NWD2: variants seen among roughly 807,000 people sequenced by gnomAD.
NWD2 encodes the protein NACHT and WD repeat domain containing 2.
Under a neutral mutation model 132.7 loss-of-function variants are expected in NWD2, and 37 were observed. The observed-to-expected ratio is 0.28, with a 90% CI of 0.21 to 0.37. NWD2 has a LOEUF of 0.37. Among genes scored for constraint, NWD2 ranks in the 10% least tolerant of loss-of-function variants. The pLI, the probability that NWD2 is intolerant of heterozygous loss-of-function variation, is 1.00. For synonymous variants in NWD2, 705 were observed against 803.0 expected (o/e 0.88, Z 2.06); for missense variants, 1,592 against 2,122.4 (o/e 0.75, Z 4.91).
chr4:37,394,799 G>GTTTTTTTTTTTTTTTTT lies in NWD2; in HGVS notation c.358-35760_358-35744dup, dbSNP rs1175840735. On this transcript the variant is annotated intron_variant, in intron 3 of 6. Coordinates refer to ENST00000309447, the MANE Select transcript of NWD2 (RefSeq NM_001144990.2). ...TTTTCCTCTATAGTGAACCTTTATGGTTTTTTTTTTTTTTTTTTTTTTTTT... is the reference window on the plus strand; with the variant it reads ...TTTTCCTCTATAGTGAACCTTTATGGTTTTTTTTTTTTTTTTTTTTTTTTTTTTTTTTTTTTTTTTTT... Among the ~76,000 whole-genome samples, 12 of 52,594 alleles carry GTTTTTTTTTTTTTTTTT rather than the reference G, an allele frequency of 2.3e-4. 3 individuals carry two copies. The highest frequency in any genetic ancestry group is 3.9e-4 in the African/African-American group (5 of 12,948). 34.5% of individuals were successfully genotyped at this position (52,594 alleles called of 152,430 possible). A position where few individuals can be genotyped will look rare whatever the true frequency, so the allele number is the denominator to read the frequency against.
chr4:37,316,226 G>C (rs1048278641), intron 1 of NWD2, among the ~76,000 whole-genome samples: 3 of 151,894 alleles, frequency 2.0e-5, no homozygotes, highest in African/African-American at 7.2e-5. Flanking sequence ...TAAGTATTTT[G>C]CTTTTTTAAA....
chr4:37,414,404 A>G (rs929693695), intron 3 of NWD2, among the ~76,000 whole-genome samples: 2 of 151,934 alleles, frequency 1.3e-5, no homozygotes, highest in African/African-American at 2.4e-5. Flanking sequence ...TCTTCACCTT[A>G]TAGAGAAGTA....
rs1416162519 is a variant in NWD2, at chr4:37,446,323, C to T, written c.4335C>T (p.Thr1445=). 2 of 1,551,880 alleles carry T rather than the reference C, an allele frequency of 1.3e-6. No homozygotes were observed. The highest frequency in any genetic ancestry group is 1.2e-5 in the South Asian group (1 of 84,052). ...ILTTLQNAFI[T]SANTFVVGMT... ...CCACTTTGCAGAATGCCTTTATTAC[C>T]TCCGCAAATACCTTCGTGGTGGGAA... is the stretch of plus-strand genomic sequence containing the variant. The change falls in exon 7 of 7, where the codon ACC becomes ACT. Residue 1445 remains threonine (T), a synonymous_variant. Transcript: ENST00000309447. This position sits in a 1 kb window ranked among gnomAD's most constrained non-coding sequence, Gnocchi z 6.7.
At chr4:37,335,955 A>G (rs186966534) in intron 2 of NWD2, among the ~76,000 whole-genome samples, 1 of 151,646 alleles carries the variant, frequency 6.6e-6, no homozygotes, top group East Asian at 1.9e-4. Context: ...TCACTGTGTA[A>G]AGAAGTATAA....
chr4:37,419,842 G>C (rs910493992), intron 3 of NWD2, among the ~76,000 whole-genome samples: 4 of 152,146 alleles, frequency 2.6e-5, no homozygotes, highest in African/African-American at 9.7e-5. Flanking sequence ...ATAGAATAAG[G>C]CCAAGATATA....
chr4:37,347,143 A>C (rs1238705666), intron 2 of NWD2, among the ~76,000 whole-genome samples: 1 of 151,792 alleles, frequency 6.6e-6, no homozygotes, highest in East Asian at 1.9e-4. Flanking sequence ...TGTATGATTG[A>C]TTTATAATTT....
Position 37,325,979 on chromosome 4 carries a change from T to A in NWD2, c.195T>A (p.Pro65=), listed in dbSNP as rs776716770. The change falls in exon 2 of 7, where the codon CCT becomes CCA. Residue 65 remains proline (P), a synonymous_variant. Coordinates refer to ENST00000309447, the MANE Select transcript of NWD2 (RefSeq NM_001144990.2). ...ERQALRENVY[P]KLREFCRENY... ...AGGCGCTAAGAGAAAATGTATATCC[T>A]AAACTGAGAGAATTCTGCAGAGAAA... 1.9e-6 allele frequency: 3 copies of A among 1,548,982 alleles called. No homozygotes were observed. In the East Asian group the frequency reaches 7.3e-5, roughly 38 times the overall value.
chr4:37,444,419 C>G lies in NWD2; in HGVS notation c.2431C>G (p.Pro811Ala). The G allele has an allele frequency of 6.4e-7, 1 of 1,552,076 alleles. No individual in the cohort carries two copies. Among genetic ancestry groups the G allele is most frequent in the Non-Finnish European group, 8.7e-7 (1 of 1,147,098 alleles). ...MEQASFDRQA[P>A]DQPWVFQCNP... is the part of the protein sequence containing the mutation. ...ACAGGCTTCCTTTGACAGGCAGGCT[C>G]CAGACCAGCCCTGGGTTTTCCAGTG... The change falls in exon 7 of 7, where the codon CCA (proline) becomes GCA (alanine). Residue 811 changes from proline (P) to alanine (A), a missense_variant. Around this residue, in one of 7 missense-constraint regions of NWD2, gnomAD observed 1,071 missense variants for 1,398.0 expected, o/e 0.77. Coordinates refer to ENST00000309447, the MANE Select transcript of NWD2 (RefSeq NM_001144990.2). This position sits in a 1 kb window ranked among gnomAD's most constrained non-coding sequence, Gnocchi z 4.8.
At chr4:37,343,329 T>C (rs1719566842) in intron 2 of NWD2, among the ~76,000 whole-genome samples, 1 of 152,236 alleles carries the variant, frequency 6.6e-6, no homozygotes, top group South Asian at 2.1e-4. Context: ...TTCAAAGCTT[T>C]CTGAATCAGC....
chr4:37,438,363 T>C (rs188085396), intron 5 of NWD2, among the ~76,000 whole-genome samples: 108 of 152,350 alleles, frequency 7.1e-4, no homozygotes, highest in African/African-American at 2.5e-3. Flanking sequence ...GGTCACTTTG[T>C]TAAGGAAAGA....
intron 1 of NWD2, among the ~76,000 whole-genome samples, chr4:37,312,502 T>C (rs1004836547): frequency 6.6e-6 from 1 of 151,138 alleles, no homozygotes; most frequent in South Asian, 2.1e-4. Flanking sequence ...TTTGCTGAAG[T>C]TGCTTATCAG....
intron 2 of NWD2, among the ~76,000 whole-genome samples, chr4:37,342,258 C>T (rs1364253463): frequency 6.6e-6 from 1 of 152,034 alleles, no homozygotes; most frequent in East Asian, 1.9e-4. Context: ...AGGCTGGCAG[C>T]TCCTCCTTTC....
chr4:37,403,875 T>TA (rs1159163515), intron 3 of NWD2, among the ~76,000 whole-genome samples: 1 of 152,144 alleles, frequency 6.6e-6, no homozygotes, highest in Non-Finnish European at 1.5e-5. Context: ...AAATGAAAGC[T>TA]CATAAGAATG....
intron 3 of NWD2, among the ~76,000 whole-genome samples, chr4:37,363,972 A>AG (rs1419502619): frequency 6.6e-6 from 1 of 150,764 alleles, no homozygotes; most frequent in African/African-American, 2.4e-5. Context: ...AAAATACAAA[A>AG]AAAAAAAAAA....
chr4:37,444,535 C>T lies in NWD2; in HGVS notation c.2547C>T (p.Asp849=). 6.4e-7 allele frequency: 1 copy of T among 1,551,818 alleles called. No individual in the cohort carries two copies. The highest frequency in any genetic ancestry group is 8.7e-7 in the Non-Finnish European group (1 of 1,147,024). Residue 849 remains aspartate (D), a synonymous_variant, in exon 7 of 7, where the codon GAC becomes GAT. Coordinates refer to ENST00000309447, the MANE Select transcript of NWD2 (RefSeq NM_001144990.2). This position sits in a 1 kb window ranked among gnomAD's most constrained non-coding sequence, Gnocchi z 4.8. The part of the protein sequence containing the change: ...YHLTRCGKTD[D]LLYGIIMNFS... ...TGACGAGGTGTGGAAAAACCGATGA[C>T]CTGCTTTACGGCATCATCATGAACT...
At chr4:37,336,140 T>C (rs1719401881) in intron 2 of NWD2, among the ~76,000 whole-genome samples, 1 of 152,150 alleles carries the variant, frequency 6.6e-6, no homozygotes, top group Non-Finnish European at 1.5e-5. Flanking sequence ...TCATCTTTTT[T>C]CAAATGAGCA....
At chr4:37,274,017 A>G (rs1717934507) in intron 1 of NWD2, among the ~76,000 whole-genome samples, 1 of 152,192 alleles carries the variant, frequency 6.6e-6, no homozygotes, top group Non-Finnish European at 1.5e-5. Flanking sequence ...CCCAATTAAA[A>G]GAACTAGAGA....
chr4:37,393,758 A>C (rs780830752), intron 3 of NWD2, among the ~76,000 whole-genome samples: 47 of 152,328 alleles, frequency 3.1e-4, no homozygotes, highest in Middle Eastern at 3.4e-3. Flanking sequence ...GGACTTCTGC[A>C]GATTTCCTGT....
chr4:37,345,119 ACT>A (rs1482865358), intron 2 of NWD2, among the ~76,000 whole-genome samples: 1 of 152,152 alleles, frequency 6.6e-6, no homozygotes, highest in Non-Finnish European at 1.5e-5. Context: ...TCTGTTGATC[ACT>A]TGATGGACAT....
Sources: allele counts gnomAD v4.1 joint callset (sites outside exome capture counted in the v4.1 genomes callset), GRCh38; gene constraint gnomAD v4.1.1; regional missense constraint gnomAD v4.1.1; non-coding constraint Gnocchi (gnomAD v3.1); transcripts MANE v1.5; gene names NCBI Gene and HGNC (gene_info 2026-07-23, HGNC 2026-07-21).